The following MACROD2 variants were observed in gnomAD, a reference collection of about 807,000 sequenced individuals.
MACROD2 encodes ADP-ribose glycohydrolase MACROD2.
Under a neutral mutation model 70.4 loss-of-function variants are expected in MACROD2, and 36 were observed. The ratio of observed to expected loss-of-function variants is 0.51; its 90% CI spans 0.39 to 0.68. The LOEUF is 0.68. Among genes scored for constraint, MACROD2 ranks in the 30% least tolerant of loss-of-function variants. The probability of loss-of-function intolerance (pLI) is 0.00; values close to 1 mark genes in which losing one functional copy is unlikely to be tolerated. For synonymous variants in MACROD2, 172 were observed against 178.8 expected (o/e 0.96, Z 0.30); for missense variants, 496 against 538.4 (o/e 0.92, Z 0.78).
At chr20:14,729,417 T>C (rs1568762783) in intron 5 of MACROD2, among the ~76,000 whole-genome samples, 1 of 152,170 alleles carries the variant, frequency 6.6e-6, no homozygotes. Flanking sequence ...GATATATGAT[T>C]AGCTGGCTTG....
intron 15 of MACROD2, among the ~76,000 whole-genome samples, chr20:16,026,393 G>T (rs2067080983): frequency 6.6e-6 from 1 of 152,168 alleles, no homozygotes; most frequent in Non-Finnish European, 1.5e-5. Flanking sequence ...CATTGTGAAT[G>T]AGTTTACTTG....
At chr20:14,912,908 A>G (rs2074045342) in intron 5 of MACROD2, among the ~76,000 whole-genome samples, 1 of 152,184 alleles carries the variant, frequency 6.6e-6, no homozygotes, top group African/African-American at 2.4e-5. Context: ...TGCCCCAGAT[A>G]TACTCCAGAG....
At chr20:15,835,359 TC>T (rs1461604308) in intron 8 of MACROD2, among the ~76,000 whole-genome samples, 12 of 151,856 alleles carry the variant, frequency 7.9e-5, no homozygotes, top group South Asian at 2.1e-4. Context: ...TATTATGGAG[TC>T]AAAAAAAATG....
At chr20:14,072,576 A>C (rs1322631544) in intron 2 of MACROD2, among the ~76,000 whole-genome samples, 1 of 152,192 alleles carries the variant, frequency 6.6e-6, no homozygotes, top group Admixed American at 6.5e-5. Flanking sequence ...GAATAGTAGT[A>C]ATATGTACTA....
chr20:15,535,293 C>G (rs745578220), intron 8 of MACROD2, among the ~76,000 whole-genome samples: 1 of 150,406 alleles, frequency 6.6e-6, no homozygotes, highest in East Asian at 2.0e-4. Flanking sequence ...GTATATAATA[C>G]ATGTTTCTGG....
intron 7 of MACROD2, among the ~76,000 whole-genome samples, chr20:15,457,949 G>GA (rs552514425): frequency 3.6e-3 from 395 of 108,928 alleles, no homozygotes; most frequent in Non-Finnish European, 4.6e-3. Context: ...CACCTTAAAT[G>GA]AAAAAAAAAA....
Position 14,077,842 on chromosome 20 carries a change from A to C in MACROD2, c.164-7779A>C, listed in dbSNP as rs544522794. Among the ~76,000 whole-genome samples, 6 of 151,778 alleles carry C rather than the reference A, an allele frequency of 4.0e-5. 1 individual carries two copies. The East Asian group carries it at 1.2e-3, about 29-fold the overall frequency. ...GGTTTTATTTCTGTTAAAGCAACAA[A>C]GTTTTCTTGGAATATTGGTCTGTTC... On this transcript the variant is annotated intron_variant, in intron 2 of 17. Coordinates refer to ENST00000684519, the MANE Select transcript of MACROD2 (RefSeq NM_001351661.2).
At chr20:14,026,435 T>G in intron 2 of MACROD2, among the ~76,000 whole-genome samples, 1 of 152,216 alleles carries the variant, frequency 6.6e-6, no homozygotes, top group Non-Finnish European at 1.5e-5. Flanking sequence ...TGCTTCATAG[T>G]GTTGATGGTC....
At chr20:15,971,160 A>G (rs2066224584) in intron 13 of MACROD2, among the ~76,000 whole-genome samples, 1 of 152,190 alleles carries the variant, frequency 6.6e-6, no homozygotes, top group South Asian at 2.1e-4. Flanking sequence ...ATCTTTGAAA[A>G]GGATCATGTT....
intron 5 of MACROD2, among the ~76,000 whole-genome samples, chr20:15,024,993 C>G (rs1048052041): frequency 6.6e-6 from 1 of 152,124 alleles, no homozygotes; most frequent in Admixed American, 6.5e-5. Flanking sequence ...AAGAAGATTT[C>G]TCACCATTAG....
chr20:14,835,144 C>T (rs2073015279), intron 5 of MACROD2, among the ~76,000 whole-genome samples: 1 of 152,006 alleles, frequency 6.6e-6, no homozygotes, highest in African/African-American at 2.4e-5. Context: ...CAAAACTGTG[C>T]CATTTCCGGC....
At chr20:15,884,637 T>C (rs968764427) in intron 9 of MACROD2, among the ~76,000 whole-genome samples, 3 of 151,950 alleles carry the variant, frequency 2.0e-5, no homozygotes, top group African/African-American at 7.2e-5. Context: ...CTAAAATAGC[T>C]AAGGCAAATG....
chr20:15,800,291 T>G (rs1378103136), intron 8 of MACROD2, among the ~76,000 whole-genome samples: 1 of 150,910 alleles, frequency 6.6e-6, no homozygotes, highest in Non-Finnish European at 1.5e-5. Context: ...TAATTTAATA[T>G]GGTCCCATTT....
chr20:15,918,261 G>A (rs2065349458), intron 10 of MACROD2, among the ~76,000 whole-genome samples: 1 of 152,124 alleles, frequency 6.6e-6, no homozygotes, highest in Admixed American at 6.5e-5. Flanking sequence ...GATACATAAT[G>A]TTTCTTCCTG....
rs573251038 is a variant in MACROD2 at position 15,177,369 on chromosome 20, G to A, written c.419-52571G>A. Among the ~76,000 whole-genome samples the A allele has an allele frequency of 5.3e-5, 8 of 152,362 alleles. No homozygotes were observed. In the South Asian group the frequency reaches 1.2e-3, roughly 24 times the overall value. On this transcript the variant is annotated intron_variant, in intron 5 of 17. Coordinates refer to ENST00000684519, the MANE Select transcript of MACROD2 (RefSeq NM_001351661.2). Reference sequence around the variant, plus strand: ...TCTTGCCTTCCTCCCTGCCTGTTGGGGGTGGAGTGGAAAGGGGAAGGTGAA... The same window carrying A: ...TCTTGCCTTCCTCCCTGCCTGTTGGAGGTGGAGTGGAAAGGGGAAGGTGAA...
At chr20:15,397,532 T>C (rs751116197) in intron 6 of MACROD2, among the ~76,000 whole-genome samples, 7 of 152,166 alleles carry the variant, frequency 4.6e-5, no homozygotes, top group Non-Finnish European at 1.0e-4. Flanking sequence ...TCTCCTGGAC[T>C]CAAGTGATCT....
rs150491886 is a variant in MACROD2 at position 15,939,325 on chromosome 20, C to T, written c.907+1781C>T. Among the ~76,000 whole-genome samples the T allele has an allele frequency of 4.6e-3, 703 of 152,250 alleles. 5 individuals carry two copies. Among genetic ancestry groups the T allele is most frequent in the African/African-American group, 0.016 (671 of 41,556 alleles). ...GACAGGCTGGCTCTCTTGTTAGGGG[C>T]TAATGCAGCTGGCAACTTTAAGTTG... On this transcript the variant is annotated intron_variant, in intron 12 of 17. Coordinates refer to ENST00000684519, the MANE Select transcript of MACROD2 (RefSeq NM_001351661.2).
At chr20:15,662,797 T>C (rs78216150) in intron 8 of MACROD2, among the ~76,000 whole-genome samples, 2 of 151,800 alleles carry the variant, frequency 1.3e-5, no homozygotes. Context: ...AATATTTTCA[T>C]ATAAAAATAT....
chr20:14,013,362 T>G (rs991735915), intron 2 of MACROD2, among the ~76,000 whole-genome samples: 2 of 149,478 alleles, frequency 1.3e-5, no homozygotes. Context: ...AAGCTCCGCC[T>G]CCCAGGTTCA....
Sources: allele counts gnomAD v4.1 joint callset (sites outside exome capture counted in the v4.1 genomes callset), GRCh38; gene constraint gnomAD v4.1.1; transcripts MANE v1.5; gene names NCBI Gene and HGNC (gene_info 2026-07-23, HGNC 2026-07-21).